Variants in DIAPH3 observed in about 807,000 individuals in gnomAD.
DIAPH3 encodes protein diaphanous homolog 3.
DIAPH3 carries 117 observed loss-of-function variants against 144.3 expected under a neutral mutation model. That is an observed-to-expected ratio of 0.81 (90% CI 0.70 to 0.95). DIAPH3 has a LOEUF of 0.95. DIAPH3 is among the 40% of genes least tolerant of loss of function. DIAPH3 has a pLI of 0.00. For synonymous variants in DIAPH3, 519 were observed against 488.9 expected, an observed-to-expected ratio of 1.06 and a Z score of -0.81; for missense variants, 1,421 against 1,412.7, an observed-to-expected ratio of 1.01 and a Z score of -0.09.
chr13:60,003,608 C>G (rs2052664925), intron 9 of DIAPH3, among the ~76,000 whole-genome samples: 1 of 151,652 alleles, frequency 6.6e-6, no homozygotes, highest in Non-Finnish European at 1.5e-5. Flanking sequence ...GAGTCTTGCT[C>G]TGTCAGCCAG....
At chr13:60,082,574 C>T (rs1346341454) in intron 4 of DIAPH3, among the ~76,000 whole-genome samples, 2 of 151,746 alleles carry the variant, frequency 1.3e-5, no homozygotes, top group Non-Finnish European at 2.9e-5. Flanking sequence ...ATTCAAGATC[C>T]TATAGTATTA....
At chr13:59,685,361 T>C (rs371703343) in intron 27 of DIAPH3, among the ~76,000 whole-genome samples, 1 of 152,122 alleles carries the variant, frequency 6.6e-6, no homozygotes, top group Non-Finnish European at 1.5e-5. Context: ...AGAAGAACAA[T>C]TGACATCTCT....
intron 24 of DIAPH3, among the ~76,000 whole-genome samples, chr13:59,821,412 A>G (rs2041066530): frequency 6.6e-6 from 1 of 152,114 alleles, no homozygotes; most frequent in East Asian, 1.9e-4. Context: ...ATAATTGGAA[A>G]ACATTTTAAT....
chr13:60,043,832 AAAT>A (rs1294835716), intron 4 of DIAPH3, among the ~76,000 whole-genome samples: 1 of 152,236 alleles, frequency 6.6e-6, no homozygotes, highest in East Asian at 1.9e-4. Flanking sequence ...ATTGCACTGT[AAAT>A]AATAAATGCT....
At chr13:60,092,424 G>A (rs572477092) in intron 4 of DIAPH3, among the ~76,000 whole-genome samples, 1 of 152,136 alleles carries the variant, frequency 6.6e-6, no homozygotes, top group Non-Finnish European at 1.5e-5. Context: ...AGGCCAAGGC[G>A]GGCGGATCAC....
At chr13:59,929,013 T>A (rs1021717835) in intron 17 of DIAPH3, among the ~76,000 whole-genome samples, 3 of 152,136 alleles carry the variant, frequency 2.0e-5, no homozygotes, top group Admixed American at 6.5e-5. Context: ...TTGGTAGATA[T>A]GTAAATCACT....
At chr13:59,742,242 AG>A (rs1428792643) in intron 27 of DIAPH3, among the ~76,000 whole-genome samples, 1 of 152,178 alleles carries the variant, frequency 6.6e-6, no homozygotes, top group African/African-American at 2.4e-5. Flanking sequence ...GATATTTGGG[AG>A]GGGACACAGC....
In DIAPH3 at chr13:60,110,767, A is replaced by G. The variant is rs143579058; in HGVS notation, c.390+1243T>C. Among the ~76,000 whole-genome samples the G allele has an allele frequency of 6.7e-4, 102 of 152,340 alleles. No individual in the cohort carries two copies. The East Asian group carries it at 0.014, about 20-fold the overall frequency. On this transcript the variant is annotated intron_variant, in intron 3 of 27. Transcript: ENST00000400324. Reference sequence around the variant, plus strand: ...CTAATGCCAATAGGTAGACCTGCTTAAGGGTGAAAAAGTGATCTGGCCCAG... The same window carrying G: ...CTAATGCCAATAGGTAGACCTGCTTGAGGGTGAAAAAGTGATCTGGCCCAG...
intron 17 of DIAPH3, among the ~76,000 whole-genome samples, chr13:59,955,608 C>T (rs943372934): frequency 6.6e-6 from 1 of 151,988 alleles, no homozygotes; most frequent in Non-Finnish European, 1.5e-5. Flanking sequence ...AATGTGGAAG[C>T]GACTTTGGAA....
At chr13:60,092,372 G>T (rs139406444) in intron 4 of DIAPH3, among the ~76,000 whole-genome samples, 113 of 152,282 alleles carry the variant, frequency 7.4e-4, no homozygotes, top group African/African-American at 2.6e-3. Flanking sequence ...CTAAAAAAAG[G>T]CCGGGCGCAG....
chr13:59,740,695 C>T (rs188232521), intron 27 of DIAPH3, among the ~76,000 whole-genome samples: 2 of 152,230 alleles, frequency 1.3e-5, no homozygotes, highest in East Asian at 1.9e-4. Flanking sequence ...GGTCAAGAAA[C>T]GTACCGCAAG....
At chr13:59,703,772 TA>T (rs1161654131) in intron 27 of DIAPH3, among the ~76,000 whole-genome samples, 1 of 152,198 alleles carries the variant, frequency 6.6e-6, no homozygotes, top group Non-Finnish European at 1.5e-5. Flanking sequence ...CCAAATGTCC[TA>T]TCTCTTAGCA....
At chr13:59,689,469 A>G (rs1231046428) in intron 27 of DIAPH3, among the ~76,000 whole-genome samples, 5 of 152,124 alleles carry the variant, frequency 3.3e-5, no homozygotes, top group Admixed American at 1.3e-4. Context: ...GGCTCCTAAT[A>G]GAGAATAAAA....
intron 2 of DIAPH3, among the ~76,000 whole-genome samples, chr13:60,131,300 G>A (rs1274187381): frequency 6.6e-6 from 1 of 151,626 alleles, no homozygotes; most frequent in Non-Finnish European, 1.5e-5. Flanking sequence ...GCTAGGTGAG[G>A]TGGTGCATGC....
intron 20 of DIAPH3, among the ~76,000 whole-genome samples, chr13:59,880,137 T>C (rs2044914816): frequency 6.6e-6 from 1 of 152,150 alleles, no homozygotes; most frequent in African/African-American, 2.4e-5. Context: ...TCTGGGACTC[T>C]AGGTTTCTCT....
At chr13:59,764,311 T>C (rs1339549083) in intron 27 of DIAPH3, among the ~76,000 whole-genome samples, 1 of 151,746 alleles carries the variant, frequency 6.6e-6, no homozygotes, top group African/African-American at 2.4e-5. Context: ...GGAGTCAGAC[T>C]GTCTAGATGG....
At chr13:59,817,565 G>A (rs548149426) in intron 24 of DIAPH3, among the ~76,000 whole-genome samples, 1 of 151,958 alleles carries the variant, frequency 6.6e-6, no homozygotes, top group East Asian at 1.9e-4. Flanking sequence ...AGGGTAAAGG[G>A]AGGTCTCTTA....
At chr13:59,741,676 C>T (rs1439656471) in intron 27 of DIAPH3, among the ~76,000 whole-genome samples, 2 of 149,226 alleles carry the variant, frequency 1.3e-5, no homozygotes, top group East Asian at 3.9e-4. Flanking sequence ...GTGATTGCAC[C>T]ACTGCCTTCC....
chr13:60,115,110 A>ACAATACTGTACTATATTTAT (rs1187912826), intron 2 of DIAPH3, among the ~76,000 whole-genome samples: 30 of 152,250 alleles, frequency 2.0e-4, no homozygotes, highest in African/African-American at 6.5e-4. Context: ...AAATACATTT[A>ACAATACTGTACTATATTTAT]CAATACTGTA....
Sources: gnomAD v4.1 joint callset for allele counts (sites outside exome capture counted in the v4.1 genomes callset) on GRCh38, gnomAD v4.1.1 for gene constraint, MANE v1.5 for transcripts, NCBI Gene and HGNC (gene_info 2026-07-23, HGNC 2026-07-21) for gene names.